IRX2: variants seen among roughly 807,000 people sequenced by gnomAD.
IRX2 encodes iroquois-class homeodomain protein IRX-2.
In IRX2, 26 loss-of-function variants were observed where a neutral mutation model predicts 42.9. That is an observed-to-expected ratio of 0.61 (90% CI 0.44 to 0.84). The LOEUF is 0.84. Ranked by LOEUF, IRX2 falls within the 40% of genes least tolerant of loss-of-function variation. The pLI, the probability that IRX2 is intolerant of heterozygous loss-of-function variation, is 0.00. For missense variants in IRX2, 782 were observed against 713.9 expected (o/e 1.10, Z -1.09); for synonymous variants, 424 against 353.9 (o/e 1.20, Z -2.22).
chr5:2,747,410 G>C lies in IRX2; in HGVS notation c.*154C>G. 1 of 590,380 alleles carries C rather than the reference G, an allele frequency of 1.7e-6. No individual in the cohort carries two copies. The highest frequency in any genetic ancestry group is 2.7e-5 in the South Asian group (1 of 37,092). 36.6% of individuals were successfully genotyped at this position (590,380 alleles called of 1,614,324 possible). ...ACAGAAAATATAGTTTCCCCCTTAA[G>C]GAAAGAAAAGCTGGACAAGATTGAA... On this transcript the variant is annotated 3_prime_UTR_variant, in exon 4 of 4. Coordinates refer to ENST00000302057, the MANE Select transcript of IRX2 (RefSeq NM_033267.5).
At chr5:2,739,253 C>T in the IRX2 span, among the ~76,000 whole-genome samples, 1 of 152,218 alleles carries the variant, frequency 6.6e-6, no homozygotes, top group Non-Finnish European at 1.5e-5. Context: ...GCTCCGTGCG[C>T]CCAAGGGGCG....
In IRX2 at chr5:2,751,320, G is replaced by A. The variant is rs1235642664; in HGVS notation, c.94C>T (p.Arg32Cys). The A allele has an allele frequency of 1.7e-5, 25 of 1,438,550 alleles. No individual in the cohort carries two copies. The Middle Eastern group carries it at 7.5e-4, about 43-fold the overall frequency. The allele number at this position is 1,438,550 out of a possible 1,614,324, so 89.1% of individuals were successfully genotyped here. A position where few individuals can be genotyped will look rare whatever the true frequency, so the allele number is the denominator to read the frequency against. ...GCCGAGCGCGCCAGCTCCTCGCTGCGCGGAGCCGCCAAAGCCGACGCGCCG... is the reference window on the plus strand; with the variant it reads ...GCCGAGCGCGCCAGCTCCTCGCTGCACGGAGCCGCCAAAGCCGACGCGCCG... ...AYGASALAAP[R>C]SEELARSASG... The change falls in exon 1 of 4, where the codon CGC (arginine) becomes TGC (cysteine). Residue 32 changes from arginine (R) to cysteine (C), a missense_variant. This residue lies in a region of IRX2 where 256 missense variants were observed against 250.0 expected (regional missense o/e 1.02). Transcript: ENST00000302057. The surrounding 1 kb of genome is among the most constrained non-coding windows in gnomAD (Gnocchi z 4.0).
At chr5:2,741,313 T>C (rs1737534531), downstream of IRX2, among the ~76,000 whole-genome samples, 1 of 152,228 alleles carries the variant, frequency 6.6e-6, no homozygotes, top group Non-Finnish European at 1.5e-5. Context: ...CTAACTTTGA[T>C]CAGCCTTATT....
the IRX2 span, among the ~76,000 whole-genome samples, chr5:2,736,386 CAA>C: frequency 3.3e-5 from 5 of 152,228 alleles, no homozygotes; most frequent in Non-Finnish European, 7.3e-5. Flanking sequence ...AGAATTAAAA[CAA>C]TTCAGCTTCA....
the IRX2 span, chr5:2,737,335 G>C: frequency 6.6e-6 from 1 of 152,288 alleles, no homozygotes; most frequent in African/African-American, 2.4e-5. Flanking sequence ...AGAAAGGAAA[G>C]AGCTCAGTGT....
rs751955325 is a variant in IRX2, at chr5:2,749,030, C to A, written c.678G>T (p.Ser226=). Reference sequence around the variant, plus strand: ...CGGCCGAGCACGAGTGATCCGTGAGCGAGTCCACGTGCAGGCTGATCCCTG... The same window carrying A: ...CGGCCGAGCACGAGTGATCCGTGAGAGAGTCCACGTGCAGGCTGATCCCTG... ...EDEGISLHVD[S]LTDHSCSAES... The change falls in exon 3 of 4, where the codon TCG becomes TCT. Residue 226 remains serine, a synonymous_variant. Coordinates refer to ENST00000302057, the MANE Select transcript of IRX2 (RefSeq NM_033267.5). The A allele has an allele frequency of 6.3e-7, 1 of 1,596,920 alleles. No homozygotes were observed. Among genetic ancestry groups the A allele is most frequent in the Non-Finnish European group, 8.5e-7 (1 of 1,179,170 alleles).
At chr5:2,739,112 C>T in the IRX2 span, among the ~76,000 whole-genome samples, 6 of 152,354 alleles carry the variant, frequency 3.9e-5, no homozygotes, top group African/African-American at 7.2e-5. Context: ...GGACTCAACG[C>T]GCTTTGTAGG....
chr5:2,751,593 T>A lies in IRX2; in HGVS notation c.-180A>T. On this transcript the variant is annotated 5_prime_UTR_variant, in exon 1 of 4. Transcript: ENST00000302057. This position sits in a 1 kb window ranked among gnomAD's most constrained non-coding sequence, Gnocchi z 4.0. ...GGCCGGGGCGGCGGCGGGGTGGCGG[T>A]GGCGGCGGCAGCAGCGCGGAGCCGG... 1 of 189,226 alleles carries A rather than the reference T, an allele frequency of 5.3e-6. No homozygotes were observed. The highest frequency in any genetic ancestry group is 9.3e-6 in the Non-Finnish European group (1 of 107,612). The allele number at this position is 189,226 out of a possible 1,614,324, so 11.7% of individuals were successfully genotyped here.
the IRX2 span, chr5:2,737,582 A>T: frequency 3.9e-5 from 6 of 152,184 alleles, no homozygotes; most frequent in Admixed American, 3.9e-4. Context: ...CCTCTCCACC[A>T]AGATCACAGG....
downstream of IRX2, among the ~76,000 whole-genome samples, chr5:2,745,349 G>A (rs1055878678): frequency 1.3e-5 from 2 of 152,132 alleles, no homozygotes; most frequent in African/African-American, 4.8e-5. Context: ...TATCTTTCGA[G>A]AGGAAATAAA....
downstream of IRX2, among the ~76,000 whole-genome samples, chr5:2,741,525 CT>C (rs1362661915): frequency 1.3e-5 from 2 of 152,114 alleles, no homozygotes; most frequent in African/African-American, 4.8e-5. Flanking sequence ...ATGAGCTCTT[CT>C]TTGAATTTAT....
At chr5:2,749,116 G>GC in intron 2 of IRX2, 64 bp from the exon 3 acceptor site, 1 of 1,555,626 alleles carries the variant, frequency 6.4e-7, no homozygotes, top group Non-Finnish European at 8.6e-7. Flanking sequence ...AGCCCCCTCC[G>GC]CCCCCTGTCC....
At chr5:2,747,800 T>A (rs780948724) in intron 3 of IRX2, among the ~76,000 whole-genome samples, 184 bp from the exon 4 acceptor site, 20 of 152,308 alleles carry the variant, frequency 1.3e-4, no homozygotes, top group Non-Finnish European at 2.8e-4. Context: ...CCCCTTGAAC[T>A]CCTCTTTCGG....
chr5:2,748,589 A>G lies in IRX2; in HGVS notation c.1119T>C (p.Pro373=). 6.4e-7 allele frequency: 1 copy of G among 1,550,652 alleles called. No homozygotes were observed. Among genetic ancestry groups the G allele is most frequent in the Non-Finnish European group, 8.7e-7 (1 of 1,151,826 alleles). The change falls in exon 3 of 4, where the codon CCT becomes CCC. Residue 373 remains proline, a synonymous_variant. Transcript: ENST00000302057. ...TGAPPGGSPY[P]ASPLLGRPLY... ...GGGGGCGGCCCAGCAGCGGCGAGGC[A>G]GGGTAGGGCGAGCCTCCTGGCGGTG...
chr5:2,738,488 C>A, the IRX2 span, among the ~76,000 whole-genome samples: 1 of 152,078 alleles, frequency 6.6e-6, no homozygotes. Context: ...GAGCCTGATT[C>A]GCCCCCCTGT....
In IRX2 at chr5:2,748,358, G is replaced by A; in HGVS notation, c.1350C>T (p.Tyr450=). 4 of 1,450,648 alleles carry A rather than the reference G, an allele frequency of 2.8e-6. No individual in the cohort carries two copies. The highest frequency in any genetic ancestry group is 3.6e-6 in the Non-Finnish European group (4 of 1,110,408). The allele number at this position is 1,450,648 out of a possible 1,614,324, so 89.9% of individuals were successfully genotyped here. Residue 450 remains tyrosine, a synonymous_variant, in exon 3 of 4, where the codon TAC becomes TAT. Coordinates refer to ENST00000302057, the MANE Select transcript of IRX2 (RefSeq NM_033267.5). ...CGGGCCGCCTACCTTTCTTGGGCTC[G>A]TAGCCGCCGCCCGGGGACCGGTAGT... The part of the protein sequence containing the change: ...ESHYRSPGGG[Y]EPKKDASEGC...
In IRX2 at chr5:2,747,483, A is replaced by C; in HGVS notation, c.*81T>G. 8.2e-7 allele frequency: 1 copy of C among 1,217,336 alleles called. No individual in the cohort carries two copies. The allele number at this position is 1,217,336 out of a possible 1,614,324, so 75.4% of individuals were successfully genotyped here. On this transcript the variant is annotated 3_prime_UTR_variant, in exon 4 of 4. Transcript: ENST00000302057. ...GACCAGAAGCAAGAAAAACACATTA[A>C]GCAAGTTGGTGCTGGGAGGCTCCAC...
At position 2,748,533 on chromosome 5, in the gene IRX2, T is replaced by C. The variant is rs1412754588; in HGVS notation, c.1175A>G (p.Tyr392Cys). The change falls in exon 3 of 4, where the codon TAC becomes TGC. Residue 392 changes from tyrosine to cysteine, a missense_variant. Tyr to Cys is a radical substitution (Grantham distance 194, BLOSUM62 -2). Transcript: ENST00000302057. ...CGCGTTCAAGTTCCCGTAGTTTGTG[T>C]AGTTGCCGTAGAAGGGCGACGTGTA... ...LYYTSPFYGN[Y>C]TNYGNLNAAL... is the part of the protein sequence containing the mutation. 2 of 1,579,096 alleles carry C rather than the reference T, an allele frequency of 1.3e-6. No individual in the cohort carries two copies. Among genetic ancestry groups the C allele is most frequent in the Middle Eastern group, 1.7e-4 (1 of 5,716 alleles).
chr5:2,750,637 C>T (rs370099025), intron 1 of IRX2, among the ~76,000 whole-genome samples: 3 of 152,332 alleles, frequency 2.0e-5, no homozygotes, highest in African/African-American at 7.2e-5. Context: ...ACCTGGGCGC[C>T]TCGGGCCGGA....
Sources: gnomAD v4.1 joint callset for allele counts (sites outside exome capture counted in the v4.1 genomes callset) on GRCh38, gnomAD v4.1.1 for gene constraint, gnomAD v4.1.1 regional missense constraint, Gnocchi (gnomAD v3.1) non-coding constraint, MANE v1.5 for transcripts, NCBI Gene and HGNC (gene_info 2026-07-23, HGNC 2026-07-21) for gene names.